The following SLCO1B1 variants were observed in gnomAD, a reference collection of about 807,000 sequenced individuals.
The protein encoded by SLCO1B1 is OATP-2.
In SLCO1B1, 81 loss-of-function variants were observed where a neutral mutation model predicts 70.1. That is an observed-to-expected ratio of 1.16 (90% CI 0.97 to 1.39). The LOEUF (loss-of-function observed/expected upper bound fraction) is 1.39, where lower values mean the gene tolerates loss of function less well. Ranked by LOEUF, SLCO1B1 falls within the 40% of genes most tolerant of loss-of-function variation. The pLI, the probability that SLCO1B1 is intolerant of heterozygous loss-of-function variation, is 0.00. For synonymous variants in SLCO1B1, 283 were observed against 271.5 expected (o/e 1.04, Z -0.42); for missense variants, 895 against 799.6 (o/e 1.12, Z -1.44).
chr12:21,145,138 G>A (rs1372064734), intron 2 of SLCO1B1, among the ~76,000 whole-genome samples: 2 of 152,126 alleles, frequency 1.3e-5, no homozygotes, highest in Non-Finnish European at 2.9e-5. Flanking sequence ...AAAGAAGCAA[G>A]ACCCAACCGT....
At chr12:21,151,079 T>G (rs1940465056) in intron 2 of SLCO1B1, among the ~76,000 whole-genome samples, 1 of 152,184 alleles carries the variant, frequency 6.6e-6, no homozygotes, top group Admixed American at 6.5e-5. Flanking sequence ...ACTACACACC[T>G]AAGCTTATGG....
At chr12:21,132,296 A>G (rs897922142) in intron 1 of SLCO1B1, among the ~76,000 whole-genome samples, 7 of 152,170 alleles carry the variant, frequency 4.6e-5, no homozygotes, top group Non-Finnish European at 1.5e-5. Flanking sequence ...CTATAAACAT[A>G]CGTGTGCATG....
chr12:21,187,113 CACGA>C (rs1940971474), intron 7 of SLCO1B1, among the ~76,000 whole-genome samples: 1 of 152,000 alleles, frequency 6.6e-6, no homozygotes, highest in African/African-American at 2.4e-5. Context: ...AAAAGAAAGC[CACGA>C]AGGACGTTTA....
At chr12:21,201,101 G>A (rs1668468315) in intron 9 of SLCO1B1, among the ~76,000 whole-genome samples, 1 of 151,998 alleles carries the variant, frequency 6.6e-6, no homozygotes, top group Non-Finnish European at 1.5e-5. Flanking sequence ...ATCAAAATAT[G>A]CATAATTCAA....
rs896079946 is a variant in SLCO1B1, at chr12:21,134,722, G to C, written c.-62+3486G>C. Among the ~76,000 whole-genome samples, 24 of 151,994 alleles carry C rather than the reference G, an allele frequency of 1.6e-4. 1 individual carries two copies. The highest frequency in any genetic ancestry group is 8.5e-4 in the Admixed American group (13 of 15,262). ...TATTGCATCTATTTGATTCTTCTCT[G>C]TTTTCTTCTTTATTAGTCTTGCTAG... On this transcript the variant is annotated intron_variant, in intron 1 of 14. Transcript: ENST00000256958.
intron 7 of SLCO1B1, among the ~76,000 whole-genome samples, chr12:21,180,594 T>C (rs1940883430): frequency 6.6e-6 from 1 of 152,184 alleles, no homozygotes; most frequent in Non-Finnish European, 1.5e-5. Flanking sequence ...GATCAAAGGA[T>C]TCATTTCCAA....
At chr12:21,213,133 T>G (rs1352471788) in intron 11 of SLCO1B1, among the ~76,000 whole-genome samples, 2 of 152,078 alleles carry the variant, frequency 1.3e-5, no homozygotes, top group East Asian at 3.9e-4. Flanking sequence ...ATTTTGCTCT[T>G]TAGTTGACGC....
chr12:21,214,165 G>A (rs949279077), intron 11 of SLCO1B1, among the ~76,000 whole-genome samples: 2 of 152,110 alleles, frequency 1.3e-5, no homozygotes, highest in African/African-American at 4.8e-5. Flanking sequence ...CAGTTTTTCT[G>A]TTCTGTTTTT....
chr12:21,199,380 C>T (rs898085264), intron 8 of SLCO1B1, among the ~76,000 whole-genome samples: 5 of 152,268 alleles, frequency 3.3e-5, no homozygotes, highest in Non-Finnish European at 2.9e-5. Flanking sequence ...ATCCAAATGA[C>T]ATAATTTCTA....
intron 11 of SLCO1B1, among the ~76,000 whole-genome samples, chr12:21,210,324 C>T (rs1173199984): frequency 2.4e-5 from 3 of 126,708 alleles, no homozygotes; most frequent in South Asian, 2.6e-4. Context: ...GGAATCCTTT[C>T]CCCATTGCTT....
intron 7 of SLCO1B1, among the ~76,000 whole-genome samples, chr12:21,191,341 T>C (rs1206701787): frequency 1.3e-5 from 2 of 151,932 alleles, no homozygotes; most frequent in African/African-American, 4.8e-5. Flanking sequence ...CACAAGTCTT[T>C]CACCTTCTTA....
intron 14 of SLCO1B1, among the ~76,000 whole-genome samples, chr12:21,231,339 A>G (rs1055396283): frequency 6.6e-6 from 1 of 152,022 alleles, no homozygotes; most frequent in East Asian, 1.9e-4. Flanking sequence ...GTTTAGTTTG[A>G]TGCTTTCTGT....
At chr12:21,212,865 T>C (rs1188488701) in intron 11 of SLCO1B1, among the ~76,000 whole-genome samples, 1 of 152,064 alleles carries the variant, frequency 6.6e-6, no homozygotes, top group Non-Finnish European at 1.5e-5. Context: ...AAGTCTGTTT[T>C]ATCAGAGACT....
chr12:21,148,288 C>G (rs998812056), intron 2 of SLCO1B1, among the ~76,000 whole-genome samples: 2 of 152,148 alleles, frequency 1.3e-5, no homozygotes, highest in African/African-American at 2.4e-5. Flanking sequence ...TTGTCCATGC[C>G]TATGTCCTGA....
chr12:21,208,900 G>C (rs1158982511), intron 11 of SLCO1B1, among the ~76,000 whole-genome samples: 3 of 151,808 alleles, frequency 2.0e-5, no homozygotes, highest in African/African-American at 4.8e-5. Flanking sequence ...AAATGGAATT[G>C]CATTATTGAT....
chr12:21,159,380 C>T (rs1253274034), intron 2 of SLCO1B1, among the ~76,000 whole-genome samples: 1 of 151,930 alleles, frequency 6.6e-6, no homozygotes, highest in Non-Finnish European at 1.5e-5. Context: ...TATTTTAATA[C>T]AGGTCTCATT....
Position 21,172,793 on chromosome 12 carries a change from T to C in SLCO1B1, c.226+2T>C. 6.2e-7 allele frequency: 1 copy of C among 1,611,544 alleles called. No individual in the cohort carries two copies. Among genetic ancestry groups the C allele is most frequent in the Non-Finnish European group, 8.5e-7 (1 of 1,178,636 alleles). Reference sequence around the variant, plus strand: ...TTATTGACGGAAGCTTTGAAATTGGTAACATTTATTTTCTATTTTAATAAC... The same window carrying C: ...TTATTGACGGAAGCTTTGAAATTGGCAACATTTATTTTCTATTTTAATAAC... On this transcript the variant is annotated splice_donor_variant, in intron 3 of 14. Transcript: ENST00000256958. LOFTEE classifies it high-confidence loss of function.
chr12:21,217,283 A>G lies in SLCO1B1; in HGVS notation c.1662A>G (p.Ser554=). The change falls in exon 12 of 15, where the codon TCA becomes TCG. Residue 554 remains serine (S), a synonymous_variant. Transcript: ENST00000256958. ...TTTTCTCTGCACTTGGAGGCACCTC[A>G]CATGTCATGCTGATTGTTAAGTAAG... ...NLFFSALGGT[S]HVMLIVKIVQ... The G allele has an allele frequency of 6.2e-7, 1 of 1,613,710 alleles. No homozygotes were observed. The highest frequency in any genetic ancestry group is 8.5e-7 in the Non-Finnish European group (1 of 1,179,702).
At chr12:21,209,862 G>C (rs1941259733) in intron 11 of SLCO1B1, among the ~76,000 whole-genome samples, 1 of 152,012 alleles carries the variant, frequency 6.6e-6, no homozygotes, top group Non-Finnish European at 1.5e-5. Flanking sequence ...GTCTTCTTTT[G>C]AGAAGTGTCT....
Sources: allele counts gnomAD v4.1 joint callset (sites outside exome capture counted in the v4.1 genomes callset), GRCh38; gene constraint gnomAD v4.1.1; transcripts MANE v1.5; gene names NCBI Gene and HGNC (gene_info 2026-07-23, HGNC 2026-07-21).